NBPF19: variants seen among roughly 807,000 people sequenced by gnomAD.
NBPF19 encodes NBPF member 19.
NBPF19 carries 30 observed loss-of-function variants against 45.9 expected under a neutral mutation model. The ratio of observed to expected loss-of-function variants is 0.65; its 90% CI spans 0.49 to 0.89. The LOEUF (loss-of-function observed/expected upper bound fraction) is 0.89. Among genes scored for constraint, NBPF19 ranks in the 40% least tolerant of loss-of-function variants. The pLI is 0.00. For synonymous variants in NBPF19, 183 were observed against 181.2 expected (o/e 1.01, Z -0.08); for missense variants, 495 against 471.8 (o/e 1.05, Z -0.46).
intron 17 of NBPF19, among the ~76,000 whole-genome samples, chr1:149,494,099 T>A (rs2085982829): frequency 7.4e-6 from 1 of 135,562 alleles, no homozygotes; most frequent in Admixed American, 7.3e-5. Flanking sequence ...TTCTCCTCTC[T>A]CTCTCTCTCT....
chr1:149,554,498 C>G lies in NBPF19; in HGVS notation c.11292C>G (p.Leu3764=), dbSNP rs2087194436. 1.9e-6 allele frequency: 3 copies of G among 1,608,080 alleles called. No individual in the cohort carries two copies. Among genetic ancestry groups the G allele is most frequent in the Non-Finnish European group, 2.5e-6 (3 of 1,176,688 alleles). The part of the protein sequence containing the change: ...EEDQNPPCPR[L]NSVLMEVEEP... The stretch of plus-strand genomic sequence containing the variant: ...TTAGTTTTGTCTCCTTTTCCAGGCT[C>G]AACAGCGTGCTGATGGAAGTGGAAG... The change falls in exon 94 of 94, where the codon CTC becomes CTG. Residue 3764 remains leucine, a synonymous_variant. Coordinates refer to ENST00000651566, the MANE Select transcript of NBPF19 (RefSeq NM_001351365.2).
chr1:149,514,705 G>GTT (rs2086337129), intron 43 of NBPF19, among the ~76,000 whole-genome samples: 1 of 75,062 alleles, frequency 1.3e-5, no homozygotes, highest in South Asian at 5.3e-4. Flanking sequence ...GTGTGTGTGT[G>GTT]TGTGTGTGTG....
At position 149,554,516 on chromosome 1, in the gene NBPF19, A is replaced by T. The variant is rs2087195327; in HGVS notation, c.11310A>T (p.Glu3770Asp). 22 of 1,608,204 alleles carry T rather than the reference A, an allele frequency of 1.4e-5. No homozygotes were observed. Among genetic ancestry groups the T allele is most frequent in the Non-Finnish European group, 1.9e-5 (22 of 1,176,714 alleles). The change falls in exon 94 of 94, where the codon GAA becomes GAT. Residue 3770 changes from glutamate to aspartate, a missense_variant. This residue lies in a region of NBPF19 where 248 missense variants were observed against 95.4 expected (regional missense o/e 2.60). Coordinates refer to ENST00000651566, the MANE Select transcript of NBPF19 (RefSeq NM_001351365.2). Reference sequence around the variant, plus strand: ...CCAGGCTCAACAGCGTGCTGATGGAAGTGGAAGAGCCTGAAGTCTTACAGG... The same window carrying T: ...CCAGGCTCAACAGCGTGCTGATGGATGTGGAAGAGCCTGAAGTCTTACAGG... ...PCPRLNSVLM[E>D]VEEPEVLQDS...
chr1:149,487,911 T>A lies in NBPF19; in HGVS notation c.1041-102T>A, dbSNP rs1434845891. The A allele has an allele frequency of 1.7e-4, 125 of 743,988 alleles. 4 individuals carry two copies. Among genetic ancestry groups the A allele is most frequent in the South Asian group, 3.9e-4 (27 of 69,602 alleles). The allele number at this position is 743,988 out of a possible 1,614,324, so 46.1% of individuals were successfully genotyped here. ...TTACCTCACTAATGGATCTCTCCTT[T>A]TTCTTTTCAAACTCTTCCTTATGTT... On this transcript the variant is annotated intron_variant, in intron 9 of 93. Transcript: ENST00000651566.
chr1:149,556,181 A>G lies in NBPF19; in HGVS notation c.*1443A>G, dbSNP rs1406728946. The G allele has an allele frequency of 8.8e-5, 13 of 147,562 alleles. No individual in the cohort carries two copies. Among genetic ancestry groups the G allele is most frequent in the Non-Finnish European group, 1.3e-4 (9 of 66,694 alleles). 9.1% of individuals were successfully genotyped at this position (147,562 alleles called of 1,614,324 possible). On this transcript the variant is annotated 3_prime_UTR_variant, in exon 94 of 94. Transcript: ENST00000651566. ...AGTGTCTGCTGTTGCAAAAAGAAGAAAACATTCTCTGCCTGAGTTTTAATT... is the reference window on the plus strand; with the variant it reads ...AGTGTCTGCTGTTGCAAAAAGAAGAGAACATTCTCTGCCTGAGTTTTAATT...
In NBPF19 at chr1:149,554,527, CT is replaced by C. The variant is rs2087196063; in HGVS notation, c.11322del (p.Glu3775LysfsTer52). The C allele has an allele frequency of 6.2e-7, 1 of 1,608,068 alleles. No individual in the cohort carries two copies. The highest frequency in any genetic ancestry group is 1.3e-5 in the African/African-American group (1 of 74,624). ...LNSVLMEVEE[P>X]EVLQDSLDGC... Reference sequence around the variant, plus strand: ...AGCGTGCTGATGGAAGTGGAAGAGCCTGAAGTCTTACAGGACTCACTGGATG... The same window carrying C: ...AGCGTGCTGATGGAAGTGGAAGAGCCGAAGTCTTACAGGACTCACTGGATG... On this transcript the variant is annotated frameshift_variant, in exon 94 of 94. Transcript: ENST00000651566. LOFTEE classifies it low-confidence loss of function (END_TRUNC).
At chr1:149,486,542 T>G (rs2085515223) in intron 8 of NBPF19, among the ~76,000 whole-genome samples, 1 of 151,456 alleles carries the variant, frequency 6.6e-6, no homozygotes, top group African/African-American at 2.4e-5. Context: ...GTCACGACAT[T>G]GAACTCAAGG....
rs1415422433 is a variant in NBPF19 at position 149,555,136 on chromosome 1, A to T, written c.*398A>T. ...GTGTTACCCTGGTTTCAATGAACCT[A>T]ACCTCATTCTTTGTGTCTTCAGTGT... is the stretch of plus-strand genomic sequence containing the variant. On this transcript the variant is annotated 3_prime_UTR_variant, in exon 94 of 94. Transcript: ENST00000651566. 6 of 260,050 alleles carry T rather than the reference A, an allele frequency of 2.3e-5. No individual in the cohort carries two copies. The highest frequency in any genetic ancestry group is 4.8e-5 in the South Asian group (1 of 20,980). 16.1% of individuals were successfully genotyped at this position (260,050 alleles called of 1,614,324 possible). A position where few individuals can be genotyped will look rare whatever the true frequency, so the allele number is the denominator to read the frequency against.
In NBPF19 at chr1:149,487,781, GT is replaced by G. The variant is rs2085674417; in HGVS notation, c.1041-231del. ...CCAATTGACTGAGCTCGCTCTGTGT[GT>G]GTGTGTGTGTGTGTGTGTGTGTGTG... On this transcript the variant is annotated intron_variant, in intron 9 of 93. Coordinates refer to ENST00000651566, the MANE Select transcript of NBPF19 (RefSeq NM_001351365.2). 2.6e-5 allele frequency among the ~76,000 whole-genome samples: 3 copies of G among 115,710 alleles called. No individual in the cohort carries two copies. The East Asian group carries it at 1.0e-3, about 40-fold the overall frequency. The allele number at this position is 115,710 out of a possible 152,430, so 75.9% of individuals were successfully genotyped here.
intron 9 of NBPF19, among the ~76,000 whole-genome samples, 188 bp downstream of exon 9, chr1:149,487,571 A>G (rs2085632934): frequency 6.6e-6 from 1 of 150,916 alleles, no homozygotes; most frequent in East Asian, 2.0e-4. Context: ...TACCCTTATC[A>G]TTTACTAACC....
intron 9 of NBPF19, 108 bp downstream of exon 9, chr1:149,487,491 G>C (rs1421481701): frequency 7.0e-6 from 7 of 999,966 alleles, no homozygotes; most frequent in African/African-American, 3.2e-5. Flanking sequence ...TGTCAGACAA[G>C]TCTGAATTAT....
chr1:149,514,677 T>TTCTC (rs1186835618), intron 43 of NBPF19, among the ~76,000 whole-genome samples: 7 of 103,254 alleles, frequency 6.8e-5, no homozygotes, highest in African/African-American at 1.9e-4. Flanking sequence ...ACTGAGCTCG[T>TTCTC]TCTCTCTCTC....
At position 149,555,016 on chromosome 1, in the gene NBPF19, A is replaced by G. The variant is rs2087213929; in HGVS notation, c.*278A>G. On this transcript the variant is annotated 3_prime_UTR_variant, in exon 94 of 94. Coordinates refer to ENST00000651566, the MANE Select transcript of NBPF19 (RefSeq NM_001351365.2). Reference sequence around the variant, plus strand: ...TTGAACCACGTATCTTTGGGTAGCTACAAAATTCCTCAGGGATTTCATTTT... The same window carrying G: ...TTGAACCACGTATCTTTGGGTAGCTGCAAAATTCCTCAGGGATTTCATTTT... 7.3e-6 allele frequency: 4 copies of G among 546,872 alleles called. No individual in the cohort carries two copies. The highest frequency in any genetic ancestry group is 4.3e-5 in the South Asian group (2 of 46,072). The allele number at this position is 546,872 out of a possible 1,614,324, so 33.9% of individuals were successfully genotyped here.
In NBPF19 at chr1:149,477,279, ATTAG is replaced by A. The variant is rs1434892289; in HGVS notation, c.176-663_176-660del. Among the ~76,000 whole-genome samples the A allele has an allele frequency of 8.5e-4, 128 of 151,252 alleles. 4 individuals are homozygous for A. Among genetic ancestry groups the A allele is most frequent in the Non-Finnish European group, 1.5e-3 (102 of 67,684 alleles). On this transcript the variant is annotated intron_variant, in intron 2 of 93. Transcript: ENST00000651566. ...AATTGGCACAGTGGAAACACTATCT[ATTAG>A]TTCTTCATTCTGATGTTTCTAAATT...
At position 149,488,148 on chromosome 1, in the gene NBPF19, G is replaced by A; in HGVS notation, c.1176G>A (p.Leu392=). Residue 392 remains leucine (L), a synonymous_variant, in exon 10 of 94, where the codon TTG becomes TTA. Transcript: ENST00000651566. ...CQPYRSAFYV[L]EQQRVGLAID... ...CCTACAGAAGTGCCTTTTACGTATT[G>A]GAGCAACAGCGTGTTGGCTTGGCTA... 2.9e-6 allele frequency: 2 copies of A among 681,144 alleles called. No homozygotes were observed. The highest frequency in any genetic ancestry group is 3.3e-5 in the South Asian group (2 of 61,536). The allele number at this position is 681,144 out of a possible 1,614,324, so 42.2% of individuals were successfully genotyped here.
intron 8 of NBPF19, among the ~76,000 whole-genome samples, chr1:149,487,035 T>A (rs2085563443): frequency 6.6e-6 from 1 of 150,738 alleles, no homozygotes; most frequent in African/African-American, 2.4e-5. Context: ...TATGAGGTGT[T>A]AGAACTATTT....
At chr1:149,490,890 C>T (rs2085822032) in intron 13 of NBPF19, among the ~76,000 whole-genome samples, 2 of 128,046 alleles carry the variant, frequency 1.6e-5, no homozygotes, top group Non-Finnish European at 3.3e-5. Flanking sequence ...CGTTCTCTCT[C>T]TCTCTCTCTG....
Position 149,486,193 on chromosome 1 carries a change from T to C in NBPF19, c.888T>C (p.Thr296=). Residue 296 remains threonine, a synonymous_variant, in exon 8 of 94, where the codon ACT becomes ACC. Transcript: ENST00000651566. ...PQESWDEGYS[T]LSIPPEMLAS... ...AGTCCTGGGATGAAGGTTATTCGAC[T>C]CTCTCAATTCCTCCTGAAATGTTGG... 2 of 491,206 alleles carry C rather than the reference T, an allele frequency of 4.1e-6. No individual in the cohort carries two copies. The allele number at this position is 491,206 out of a possible 1,614,324, so 30.4% of individuals were successfully genotyped here. A position where few individuals can be genotyped will look rare whatever the true frequency, so the allele number is the denominator to read the frequency against.
At position 149,554,792 on chromosome 1, in the gene NBPF19, C is replaced by T. The variant is rs1389119570; in HGVS notation, c.*54C>T. 3.6e-5 allele frequency: 58 copies of T among 1,605,426 alleles called. No individual in the cohort carries two copies. In the East Asian group the frequency reaches 6.0e-4, roughly 17 times the overall value. On this transcript the variant is annotated 3_prime_UTR_variant, in exon 94 of 94. Coordinates refer to ENST00000651566, the MANE Select transcript of NBPF19 (RefSeq NM_001351365.2). Reference sequence around the variant, plus strand: ...TTCCTGCAGGCAGGACCTATAGGCACGTGAAGATTTGAATGAAACTACAGT... The same window carrying T: ...TTCCTGCAGGCAGGACCTATAGGCATGTGAAGATTTGAATGAAACTACAGT...
Sources: allele counts gnomAD v4.1 joint callset (sites outside exome capture counted in the v4.1 genomes callset), GRCh38; gene constraint gnomAD v4.1.1; regional missense constraint gnomAD v4.1.1; transcripts MANE v1.5; gene names NCBI Gene and HGNC (gene_info 2026-07-23, HGNC 2026-07-21).